The following PAMR1 variants were observed in gnomAD, a reference collection of about 807,000 sequenced individuals.
PAMR1 encodes the protein inactive serine protease PAMR1.
Under a neutral mutation model 81.8 loss-of-function variants are expected in PAMR1, and 88 were observed. The observed-to-expected ratio is 1.08, with a 90% CI of 0.91 to 1.28. The LOEUF (loss-of-function observed/expected upper bound fraction) is 1.28, where lower values mean the gene tolerates loss of function less well. PAMR1 is among the 50% of genes most tolerant of loss of function. The pLI, the probability that PAMR1 is intolerant of heterozygous loss-of-function variation, is 0.00. For synonymous variants in PAMR1, 336 were observed against 345.3 expected, an observed-to-expected ratio of 0.97 and a Z score of 0.30; for missense variants, 935 against 919.7, an observed-to-expected ratio of 1.02 and a Z score of -0.21.
At chr11:35,511,222 TCTA>T (rs565426679) in intron 1 of PAMR1, among the ~76,000 whole-genome samples, 129 of 152,380 alleles carry the variant, frequency 8.5e-4, no homozygotes, top group African/African-American at 3.1e-3. Context: ...CTGGTCCGTT[TCTA>T]CTGCTGATAG....
intron 4 of PAMR1, 47 bp downstream of exon 4, chr11:35,474,583 G>A: frequency 9.1e-7 from 1 of 1,097,266 alleles, no homozygotes; most frequent in Non-Finnish European, 1.3e-6. Flanking sequence ...TCCCATTTCT[G>A]TATCCTTATA....
chr11:35,456,205 A>G (rs1239043236), intron 6 of PAMR1, among the ~76,000 whole-genome samples: 2 of 152,184 alleles, frequency 1.3e-5, no homozygotes, highest in African/African-American at 4.8e-5. Context: ...TGCTTCTATA[A>G]TTACATCAGA....
chr11:35,493,931 T>A (rs1850674370), intron 2 of PAMR1, among the ~76,000 whole-genome samples, 165 bp downstream of exon 2: 1 of 152,250 alleles, frequency 6.6e-6, no homozygotes, highest in South Asian at 2.1e-4. Flanking sequence ...TGACTCCTTT[T>A]ATTCCTGTGC....
chr11:35,514,012 G>A (rs1230894563), intron 1 of PAMR1, among the ~76,000 whole-genome samples: 2 of 152,090 alleles, frequency 1.3e-5, no homozygotes, highest in African/African-American at 4.8e-5. Context: ...TAATAATCCT[G>A]ACTTCTTAGT....
At chr11:35,489,694 T>G (rs541504047) in intron 3 of PAMR1, among the ~76,000 whole-genome samples, 150 of 152,238 alleles carry the variant, frequency 9.9e-4, no homozygotes, top group Admixed American at 1.3e-3. Context: ...CACCTTGCAT[T>G]TTCACACCCT....
intron 6 of PAMR1, among the ~76,000 whole-genome samples, chr11:35,464,717 ACAAT>A (rs1856727093): frequency 6.6e-6 from 1 of 152,190 alleles, no homozygotes; most frequent in African/African-American, 2.4e-5. Context: ...CCAAGTTCTT[ACAAT>A]GCTTCCACTG....
intron 6 of PAMR1, among the ~76,000 whole-genome samples, chr11:35,464,620 CT>C (rs1242025553): frequency 6.6e-6 from 1 of 152,162 alleles, no homozygotes; most frequent in African/African-American, 2.4e-5. Context: ...AAAATCACCC[CT>C]GGTTGAGAAC....
At chr11:35,451,890 G>C in intron 6 of PAMR1, 1 of 705,834 alleles carries the variant, frequency 1.4e-6, no homozygotes, top group Non-Finnish European at 2.6e-6. Flanking sequence ...GCCCTCACCA[G>C]ACAATGAATC....
At chr11:35,501,940 C>T (rs1324901117) in intron 1 of PAMR1, among the ~76,000 whole-genome samples, 1 of 152,080 alleles carries the variant, frequency 6.6e-6, no homozygotes, top group African/African-American at 2.4e-5. Flanking sequence ...GGATATATTC[C>T]CAGTAGCGGA....
intron 6 of PAMR1, among the ~76,000 whole-genome samples, chr11:35,446,300 T>C (rs1161909960): frequency 1.3e-5 from 2 of 152,182 alleles, no homozygotes; most frequent in Admixed American, 1.3e-4. Context: ...CCTGGATTAG[T>C]TGATTTTTGG....
chr11:35,489,248 G>A (rs1475506965), intron 3 of PAMR1, among the ~76,000 whole-genome samples: 1 of 152,060 alleles, frequency 6.6e-6, no homozygotes, highest in Admixed American at 6.5e-5. Flanking sequence ...ATCTCATGTG[G>A]AACTCACCTT....
intron 1 of PAMR1, among the ~76,000 whole-genome samples, chr11:35,523,426 T>C (rs1851322297): frequency 6.6e-6 from 1 of 152,246 alleles, no homozygotes; most frequent in South Asian, 2.1e-4. Context: ...CTGGCAGAGC[T>C]ACCGCAATTT....
chr11:35,446,461 G>C (rs186935476), intron 6 of PAMR1, among the ~76,000 whole-genome samples: 2 of 152,022 alleles, frequency 1.3e-5, no homozygotes, highest in Non-Finnish European at 1.5e-5. Context: ...GTAGATTTTT[G>C]ATGTGGGCAT....
chr11:35,449,316 G>A (rs1444979181), intron 6 of PAMR1, among the ~76,000 whole-genome samples: 3 of 151,934 alleles, frequency 2.0e-5, no homozygotes, highest in African/African-American at 4.8e-5. Flanking sequence ...GAGCCAGCAA[G>A]CAGGAAAAAC....
At chr11:35,469,014 C>T (rs907907643) in intron 5 of PAMR1, among the ~76,000 whole-genome samples, 6 of 152,170 alleles carry the variant, frequency 3.9e-5, no homozygotes, top group South Asian at 2.1e-4. Context: ...AAATATAAAA[C>T]GACTATGACT....
chr11:35,456,760 C>A (rs1856541965), intron 6 of PAMR1, among the ~76,000 whole-genome samples: 2 of 152,156 alleles, frequency 1.3e-5, no homozygotes, highest in Non-Finnish European at 2.9e-5. Context: ...TCAGAAGATA[C>A]CAAATCCTCT....
At chr11:35,474,092 A>G (rs1319766447) in intron 4 of PAMR1, among the ~76,000 whole-genome samples, 2 of 152,246 alleles carry the variant, frequency 1.3e-5, no homozygotes, top group African/African-American at 2.4e-5. Flanking sequence ...AACAGGATCT[A>G]TACTTTGGAC....
At position 35,432,522 on chromosome 11, in the gene PAMR1, C is replaced by T; in HGVS notation, c.1997G>A (p.Gly666Glu). The T allele has an allele frequency of 6.2e-7, 1 of 1,614,230 alleles. No homozygotes were observed. The change falls in exon 11 of 11, where the codon GGA becomes GAA. Residue 666 changes from glycine to glutamate, a missense_variant. Gly to Glu is a moderately conservative substitution (Grantham distance 98). Transcript: ENST00000619888. The part of the protein sequence containing the change: ...APSDICTAET[G>E]GIAAVSFPGR... ...CGGGAAGGACACAGCCGCGATGCCT[C>T]CTGTCTCTGCAGTGCAGATATCAGA...
At chr11:35,517,177 C>A (rs1266918898) in intron 1 of PAMR1, among the ~76,000 whole-genome samples, 1 of 152,198 alleles carries the variant, frequency 6.6e-6, no homozygotes, top group African/African-American at 2.4e-5. Context: ...GATCCAAGAC[C>A]ACTCACATTA....
Sources: gnomAD v4.1 joint callset for allele counts (sites outside exome capture counted in the v4.1 genomes callset) on GRCh38, gnomAD v4.1.1 for gene constraint, MANE v1.5 for transcripts, NCBI Gene and HGNC (gene_info 2026-07-23, HGNC 2026-07-21) for gene names.